Variants in NTM observed in about 807,000 individuals in gnomAD.
NTM encodes the protein IgLON family member 2.
In NTM, 13 loss-of-function variants were observed where a neutral mutation model predicts 42.1. That is an observed-to-expected ratio of 0.31 (90% CI 0.20 to 0.49). The LOEUF (loss-of-function observed/expected upper bound fraction) is 0.49, where lower values mean the gene tolerates loss of function less well. NTM is among the 20% of genes least tolerant of loss of function. NTM has a pLI of 0.99. For synonymous variants in NTM, 187 were observed against 179.2 expected, an observed-to-expected ratio of 1.04 and a Z score of -0.35; for missense variants, 373 against 452.8, an observed-to-expected ratio of 0.82 and a Z score of 1.60.
At chr11:131,628,912 G>A (rs1020400052) in intron 1 of NTM, among the ~76,000 whole-genome samples, 4 of 152,280 alleles carry the variant, frequency 2.6e-5, no homozygotes, top group Admixed American at 2.0e-4. Flanking sequence ...GTGGAGTACA[G>A]GCGGAGAGTG....
chr11:131,545,063 C>G (rs2136844864), intron 1 of NTM, among the ~76,000 whole-genome samples: 1 of 152,314 alleles, frequency 6.6e-6, no homozygotes, highest in South Asian at 2.1e-4. Context: ...ATCACTGTCA[C>G]TGCAATTCAG....
intron 7 of NTM, among the ~76,000 whole-genome samples, chr11:132,316,722 AT>A (rs2095439103): frequency 6.6e-6 from 1 of 152,158 alleles, no homozygotes; most frequent in Non-Finnish European, 1.5e-5. Flanking sequence ...GGGTAACATA[AT>A]TCTGTGGAGC....
rs2090367045 is a variant in NTM, at chr11:131,789,593, A to AAGG, written c.83-121969_83-121968insGAG. On this transcript the variant is annotated intron_variant, in intron 1 of 8. Coordinates refer to ENST00000683400, the MANE Select transcript of NTM (RefSeq NM_001352005.2). ...GAAGAAGAAGAAGAAGAAGAAGAAG[A>AAGG]AGAAGAAGAAGAAGAAGAAGAAGAA... Among the ~76,000 whole-genome samples the AAGG allele has an allele frequency of 3.1e-5, 2 of 64,856 alleles. 1 individual carries two copies. The highest frequency in any genetic ancestry group is 1.4e-4 in the African/African-American group (2 of 14,204). 42.5% of individuals were successfully genotyped at this position (64,856 alleles called of 152,430 possible).
rs115312880 is a variant in NTM at position 131,553,049 on chromosome 11, G to A, written c.82+182161G>A. ...ATAACAGGCAAAATTAAACTCTTATGTTCAGGAATGGATGCTTAGGTGGTA... is the reference window on the plus strand; with the variant it reads ...ATAACAGGCAAAATTAAACTCTTATATTCAGGAATGGATGCTTAGGTGGTA... On this transcript the variant is annotated intron_variant, in intron 1 of 8. Transcript: ENST00000683400. Among the ~76,000 whole-genome samples, 836 of 152,250 alleles carry A rather than the reference G, an allele frequency of 5.5e-3. 8 individuals are homozygous for A. The highest frequency in any genetic ancestry group is 0.019 in the African/African-American group (797 of 41,548).
rs147918334 is a variant in NTM, at chr11:131,804,186, C to T, written c.83-107378C>T. 7.7e-3 allele frequency among the ~76,000 whole-genome samples: 1,166 copies of T among 152,306 alleles called. 7 individuals carry two copies. Among genetic ancestry groups the T allele is most frequent in the Non-Finnish European group, 0.012 (798 of 68,026 alleles). ...CAGAACAAACAATTAGTTAATCACT[C>T]TCCCTTCCATCTCTTGCCCTACACA... On this transcript the variant is annotated intron_variant, in intron 1 of 8. Transcript: ENST00000683400.
intron 1 of NTM, among the ~76,000 whole-genome samples, chr11:131,878,629 A>T (rs2048963194): frequency 9.0e-6 from 1 of 111,174 alleles, no homozygotes; most frequent in Non-Finnish European, 1.8e-5. Flanking sequence ...ATATATATAT[A>T]TATATATATA....
chr11:132,254,257 G>T (rs1442155457), intron 4 of NTM, among the ~76,000 whole-genome samples: 1 of 151,982 alleles, frequency 6.6e-6, no homozygotes, highest in Non-Finnish European at 1.5e-5. Context: ...GTGTCTCCCC[G>T]CAACCCGTCT....
chr11:131,505,125 C>T (rs1056570900), intron 1 of NTM, among the ~76,000 whole-genome samples: 1 of 152,000 alleles, frequency 6.6e-6, no homozygotes, highest in Non-Finnish European at 1.5e-5. Context: ...TCATTCTCCT[C>T]ATCTAAGAAA....
intron 1 of NTM, among the ~76,000 whole-genome samples, chr11:131,837,538 A>T (rs1195425534): frequency 6.6e-6 from 1 of 152,136 alleles, no homozygotes; most frequent in Non-Finnish European, 1.5e-5. Flanking sequence ...CTACTTTGCG[A>T]TTAACACAGT....
chr11:131,773,314 C>A (rs1048678171), intron 1 of NTM, among the ~76,000 whole-genome samples: 1 of 152,198 alleles, frequency 6.6e-6, no homozygotes, highest in Non-Finnish European at 1.5e-5. Flanking sequence ...CTAATCACAT[C>A]CCCAAAGCCC....
intron 1 of NTM, among the ~76,000 whole-genome samples, chr11:131,815,209 C>T (rs2092903819): frequency 6.6e-6 from 1 of 152,158 alleles, no homozygotes; most frequent in Non-Finnish European, 1.5e-5. Context: ...TCTGCCCCCG[C>T]CTTCTCCCAC....
intron 7 of NTM, among the ~76,000 whole-genome samples, chr11:132,316,745 A>T (rs2095439675): frequency 6.6e-6 from 1 of 152,294 alleles, no homozygotes. Flanking sequence ...CGCAAACCCC[A>T]TTCCTGTGTG....
At chr11:131,849,239 AACT>A (rs2045256155) in intron 1 of NTM, among the ~76,000 whole-genome samples, 2 of 152,166 alleles carry the variant, frequency 1.3e-5, no homozygotes, top group Non-Finnish European at 2.9e-5. Flanking sequence ...GGTCAAGTAG[AACT>A]ATATTAGGCC....
intron 1 of NTM, among the ~76,000 whole-genome samples, chr11:131,401,832 A>G (rs200030630): frequency 0.016 from 1,268 of 81,606 alleles, 55 homozygotes; most frequent in African/African-American, 0.017. Flanking sequence ...ATATATATAT[A>G]TATATATATA....
At chr11:132,250,417 T>A (rs1003010939) in intron 4 of NTM, among the ~76,000 whole-genome samples, 2 of 152,160 alleles carry the variant, frequency 1.3e-5, no homozygotes, top group Non-Finnish European at 2.9e-5. Context: ...GGATTAATTT[T>A]TTTATTACTT....
intron 1 of NTM, among the ~76,000 whole-genome samples, chr11:131,698,738 C>T (rs1326321912): frequency 6.6e-6 from 1 of 152,220 alleles, no homozygotes; most frequent in Non-Finnish European, 1.5e-5. Flanking sequence ...TTGCTCTCAG[C>T]CCAGTGCCAG....
intron 1 of NTM, among the ~76,000 whole-genome samples, chr11:131,374,981 A>G (rs1459149429): frequency 2.6e-5 from 4 of 152,166 alleles, no homozygotes; most frequent in African/African-American, 9.7e-5. Context: ...ACAAACTAGA[A>G]TGCTAAAGAT....
At position 131,569,876 on chromosome 11, in the gene NTM, C is replaced by T. The variant is rs151116671; in HGVS notation, c.82+198988C>T. 1.1e-3 allele frequency among the ~76,000 whole-genome samples: 163 copies of T among 152,320 alleles called. 1 individual carries two copies. In the South Asian group the frequency reaches 0.015, roughly 14 times the overall value. On this transcript the variant is annotated intron_variant, in intron 1 of 8. Coordinates refer to ENST00000683400, the MANE Select transcript of NTM (RefSeq NM_001352005.2). ...GATAATAGGCATAGGCCACCACGTC[C>T]GGCCTGTATCTCTGTTTTCTAGGCC...
At chr11:131,858,955 A>T (rs2046360281) in intron 1 of NTM, among the ~76,000 whole-genome samples, 1 of 152,170 alleles carries the variant, frequency 6.6e-6, no homozygotes, top group South Asian at 2.1e-4. Context: ...CCTGTAACCT[A>T]ATTCATTCTC....
Sources: gnomAD v4.1 joint callset for allele counts (sites outside exome capture counted in the v4.1 genomes callset) on GRCh38, gnomAD v4.1.1 for gene constraint, MANE v1.5 for transcripts, NCBI Gene and HGNC (gene_info 2026-07-23, HGNC 2026-07-21) for gene names.